OR7G2: variants seen among roughly 807,000 people sequenced by gnomAD.
The protein encoded by OR7G2 is olfactory receptor family 7 subfamily G member 2.
For missense variants in OR7G2, 362 were observed against 384.0 expected, an observed-to-expected ratio of 0.94 and a Z score of 0.48; for synonymous variants, 153 against 152.2, an observed-to-expected ratio of 1.01 and a Z score of -0.04.
intron 1 of OR7G2, among the ~76,000 whole-genome samples, chr19:9,106,337 A>G (rs1001099250): frequency 6.6e-6 from 1 of 151,800 alleles, no homozygotes; most frequent in African/African-American, 2.4e-5. Flanking sequence ...AGGCAGGAGA[A>G]TCGCTTGCAC....
chr19:9,104,798 G>C (rs549580928), intron 1 of OR7G2, among the ~76,000 whole-genome samples: 3 of 151,854 alleles, frequency 2.0e-5, no homozygotes, highest in South Asian at 4.2e-4. Context: ...CTGCACTCCA[G>C]CCTGGGCAAC....
chr19:9,105,545 T>C (rs1388933501), intron 1 of OR7G2, among the ~76,000 whole-genome samples: 4 of 152,148 alleles, frequency 2.6e-5, no homozygotes, highest in Admixed American at 1.3e-4. Context: ...TCAACATTGC[T>C]TTATGTTAAA....
rs1430796744 is a variant in OR7G2 at position 9,101,649 on chromosome 19, A to C, written c.*620T>G. ...AGAATCGCTTGAACCTGGGAGGCAG[A>C]GATTACAGTGAGCCGAGATCACACC... On this transcript the variant is annotated 3_prime_UTR_variant, in exon 2 of 2. Transcript: ENST00000641081. The C allele has an allele frequency of 6.6e-6, 1 of 152,084 alleles. No individual in the cohort carries two copies. The highest frequency in any genetic ancestry group is 2.4e-5 in the African/African-American group (1 of 41,332). 9.4% of individuals were successfully genotyped at this position (152,084 alleles called of 1,614,324 possible).
intron 1 of OR7G2, among the ~76,000 whole-genome samples, chr19:9,106,807 AG>A (rs2050389045): frequency 1.3e-5 from 2 of 150,930 alleles, no homozygotes; most frequent in South Asian, 4.2e-4. Flanking sequence ...TCCCTTCCCT[AG>A]GGGAACCAGT....
At position 9,103,156 on chromosome 19, in the gene OR7G2, G is replaced by A. The variant is rs1381984533; in HGVS notation, c.88C>T (p.Leu30=). The A allele has an allele frequency of 6.2e-7, 1 of 1,614,046 alleles. No homozygotes were observed. Among genetic ancestry groups the A allele is most frequent in the African/African-American group, 1.3e-5 (1 of 74,932 alleles). The stretch of plus-strand genomic sequence containing the variant: ...GTGACCAAGTACATGGACAGGAACA[G>A]GCTGAAAAGGACGGGCTGCAGTTCC... ...DPELQPVLFS[L]FLSMYLVTIL... Residue 30 remains leucine, a synonymous_variant, in exon 2 of 2, where the codon CTG becomes TTG. Transcript: ENST00000641081.
intron 1 of OR7G2, among the ~76,000 whole-genome samples, chr19:9,103,660 C>A (rs2050368989): frequency 6.7e-6 from 1 of 150,034 alleles, no homozygotes; most frequent in Admixed American, 6.7e-5. Flanking sequence ...TGCACACCAC[C>A]ATTCCTGGCT....
intron 1 of OR7G2, among the ~76,000 whole-genome samples, chr19:9,104,699 C>T (rs1568299755): frequency 1.3e-5 from 2 of 151,530 alleles, no homozygotes; most frequent in Non-Finnish European, 1.5e-5. Context: ...TGGTGGTGGG[C>T]GCCTGTGGTC....
intron 1 of OR7G2, among the ~76,000 whole-genome samples, chr19:9,105,256 C>G (rs1190494518): frequency 6.6e-6 from 1 of 152,100 alleles, no homozygotes; most frequent in Non-Finnish European, 1.5e-5. Flanking sequence ...GTGTGAGCCA[C>G]TGCGCCTGGC....
Position 9,104,574 on chromosome 19 carries a change from T to A in OR7G2, c.-16-1315A>T, listed in dbSNP as rs187209971. ...GGGGCGTGGTGGCTCATGCTTGTAATCCCAGCACTTTGGGAGGCCGAGGCG... is the reference window on the plus strand; with the variant it reads ...GGGGCGTGGTGGCTCATGCTTGTAAACCCAGCACTTTGGGAGGCCGAGGCG... On this transcript the variant is annotated intron_variant, in intron 1 of 1. Coordinates refer to ENST00000641081, the MANE Select transcript of OR7G2 (RefSeq NM_001005193.2). 2.5e-3 allele frequency among the ~76,000 whole-genome samples: 373 copies of A among 152,168 alleles called. 3 individuals are homozygous for A. The highest frequency in any genetic ancestry group is 0.017 in the Middle Eastern group (5 of 294).
intron 1 of OR7G2, among the ~76,000 whole-genome samples, chr19:9,103,868 T>G (rs1242147202): frequency 4.2e-4 from 11 of 26,382 alleles, no homozygotes; most frequent in Admixed American, 1.6e-3. Flanking sequence ...GTGGAAATGT[T>G]TTTTTTTTTT....
In OR7G2 at chr19:9,102,630, A is replaced by T. The variant is rs1173574148; in HGVS notation, c.614T>A (p.Ile205Lys). The T allele has an allele frequency of 1.2e-6, 2 of 1,614,180 alleles. No homozygotes were observed. Among genetic ancestry groups the T allele is most frequent in the South Asian group, 2.2e-5 (2 of 91,080 alleles). Residue 205 changes from isoleucine to lysine, a missense_variant, in exon 2 of 2, where the codon ATA becomes AAA. Ile to Lys is a moderately radical substitution (Grantham distance 102). Coordinates refer to ENST00000641081, the MANE Select transcript of OR7G2 (RefSeq NM_001005193.2). Reference sequence around the variant, plus strand: ...TCCAGACAGAGGAACACCACCAAATATGCAAGCTGCAAAATATATCAGGAT... The same window carrying T: ...TCCAGACAGAGGAACACCACCAAATTTGCAAGCTGCAAAATATATCAGGAT... ...NNILIYFAACIFGGVPLSGII... is the reference protein window; with the variant it reads ...NNILIYFAACKFGGVPLSGII...
rs1730228137 is a variant in OR7G2, at chr19:9,102,090, C to T, written c.*179G>A. 1.8e-5 allele frequency: 10 copies of T among 564,086 alleles called. No homozygotes were observed. Among genetic ancestry groups the T allele is most frequent in the Middle Eastern group, 4.7e-4 (1 of 2,130 alleles). The allele number at this position is 564,086 out of a possible 1,614,324, so 34.9% of individuals were successfully genotyped here. A position where few individuals can be genotyped will look rare whatever the true frequency, so the allele number is the denominator to read the frequency against. ...TGGTGGCAGGCGCCTGTAATCCCCA[C>T]TACTCAGGAGGCTGAGGCAGGAGGA... On this transcript the variant is annotated 3_prime_UTR_variant, in exon 2 of 2. Transcript: ENST00000641081.
rs967875717 is a variant in OR7G2, at chr19:9,103,397, C to G, written c.-16-138G>C. 2.7e-5 allele frequency: 19 copies of G among 710,706 alleles called. No individual in the cohort carries two copies. The African/African-American group carries it at 3.4e-4, about 13-fold the overall frequency. The allele number at this position is 710,706 out of a possible 1,614,324, so 44.0% of individuals were successfully genotyped here. On this transcript the variant is annotated intron_variant, in intron 1 of 1. Coordinates refer to ENST00000641081, the MANE Select transcript of OR7G2 (RefSeq NM_001005193.2). ...TGGGGATGAGAACCGACAGTTTATT[C>G]TTTCACAAGCCTTGTAGATGTTTTT... is the stretch of plus-strand genomic sequence containing the variant.
At chr19:9,106,645 G>A (rs968081235) in intron 1 of OR7G2, among the ~76,000 whole-genome samples, 1 of 148,422 alleles carries the variant, frequency 6.7e-6, no homozygotes, top group Non-Finnish European at 1.5e-5. Flanking sequence ...GTCTCTACAG[G>A]AGAATCGCTT....
intron 1 of OR7G2, among the ~76,000 whole-genome samples, chr19:9,104,330 T>C (rs147623405): frequency 8.9e-4 from 136 of 152,320 alleles, no homozygotes; most frequent in South Asian, 1.9e-3. Flanking sequence ...CAAACAGCGC[T>C]AGAGATAGAC....
intron 1 of OR7G2, among the ~76,000 whole-genome samples, chr19:9,106,340 G>A (rs1053998591): frequency 4.0e-5 from 6 of 150,674 alleles, no homozygotes; most frequent in Non-Finnish European, 7.4e-5. Flanking sequence ...CAGGAGAATC[G>A]CTTGCACCTG....
rs771542598 is a variant in OR7G2 at position 9,103,299 on chromosome 19, A to C, written c.-16-40T>G. ...AATAAAATCTGTAAGCAGCAGCTGC[A>C]TCGGCATCACTCGAGAACATGACAG... On this transcript the variant is annotated intron_variant, in intron 1 of 1. Coordinates refer to ENST00000641081, the MANE Select transcript of OR7G2 (RefSeq NM_001005193.2). 5 of 1,611,158 alleles carry C rather than the reference A, an allele frequency of 3.1e-6. No individual in the cohort carries two copies. The South Asian group carries it at 5.5e-5, about 18-fold the overall frequency.
rs532505681 is a variant in OR7G2, at chr19:9,101,756, A to G, written c.*513T>C. The G allele has an allele frequency of 1.3e-5, 2 of 153,262 alleles. No homozygotes were observed. Among genetic ancestry groups the G allele is most frequent in the African/African-American group, 2.4e-5 (1 of 41,552 alleles). 9.5% of individuals were successfully genotyped at this position (153,262 alleles called of 1,614,324 possible). A position where few individuals can be genotyped will look rare whatever the true frequency, so the allele number is the denominator to read the frequency against. On this transcript the variant is annotated 3_prime_UTR_variant, in exon 2 of 2. Transcript: ENST00000641081. ...TAACTTGGGCTCAGCCTCTGAGTCTATGGCCTGAGCAAAGAAATTGAGTCT... is the reference window on the plus strand; with the variant it reads ...TAACTTGGGCTCAGCCTCTGAGTCTGTGGCCTGAGCAAAGAAATTGAGTCT...
At chr19:9,105,925 G>C (rs931798730) in intron 1 of OR7G2, among the ~76,000 whole-genome samples, 1 of 151,764 alleles carries the variant, frequency 6.6e-6, no homozygotes, top group Non-Finnish European at 1.5e-5. Flanking sequence ...AAGAGAAAGA[G>C]AGAGAAAAAG....
Sources: gnomAD v4.1 joint callset for allele counts (sites outside exome capture counted in the v4.1 genomes callset) on GRCh38, gnomAD v4.1.1 for gene constraint, MANE v1.5 for transcripts, NCBI Gene and HGNC (gene_info 2026-07-23, HGNC 2026-07-21) for gene names.